The following POLN variants were observed in gnomAD, a reference collection of about 807,000 sequenced individuals.
POLN encodes DNA polymerase N.
In POLN, 108 loss-of-function variants were observed where a neutral mutation model predicts 113.5. That is an observed-to-expected ratio of 0.95 (90% confidence interval 0.81 to 1.12). POLN has a LOEUF of 1.12. Ranked by LOEUF, POLN falls within the 50% of genes most tolerant of loss-of-function variation. POLN has a pLI of 0.00. For missense variants in POLN, 1,097 were observed against 1,077.1 expected (o/e 1.02, Z -0.26); for synonymous variants, 386 against 391.5 (o/e 0.99, Z 0.17).
intron 16 of POLN, among the ~76,000 whole-genome samples, chr4:2,141,858 C>G (rs950987841): frequency 2.0e-5 from 3 of 152,236 alleles, no homozygotes; most frequent in Non-Finnish European, 4.4e-5. Context: ...TGCGACCCAG[C>G]CTGTGGGGCG....
chr4:2,136,564 A>G (rs950854255), intron 16 of POLN, among the ~76,000 whole-genome samples: 1 of 152,250 alleles, frequency 6.6e-6, no homozygotes, highest in Non-Finnish European at 1.5e-5. Context: ...TTTATTTAAC[A>G]TTCAGTGAAA....
chr4:2,131,330 C>T lies in POLN; in HGVS notation c.1732-40G>A. 2.2e-6 allele frequency: 3 copies of T among 1,344,726 alleles called. No individual in the cohort carries two copies. The Admixed American group carries it at 5.3e-5, about 24-fold the overall frequency. The allele number at this position is 1,344,726 out of a possible 1,614,324, so 83.3% of individuals were successfully genotyped here. On this transcript the variant is annotated intron_variant, in intron 16 of 25. Coordinates refer to ENST00000511885, the MANE Select transcript of POLN (RefSeq NM_181808.4). ...AGACTAGCTTTAGTTAAAATATCTA[C>T]TCTTAATCTGTACTACTTAGGGTAT...
At chr4:2,180,603 T>A (rs9994565) in intron 7 of POLN, among the ~76,000 whole-genome samples, 37,531 of 152,178 alleles carry the variant, frequency 0.25, 7,153 homozygotes, top group African/African-American at 0.51. Flanking sequence ...CATGTCTCCG[T>A]CAGCAGCACA....
chr4:2,146,292 G>A (rs1400604754), intron 16 of POLN, among the ~76,000 whole-genome samples: 2 of 151,400 alleles, frequency 1.3e-5, no homozygotes, highest in East Asian at 3.9e-4. Flanking sequence ...GATCACCTGA[G>A]GTCAGGAGTT....
chr4:2,092,151 C>T (rs1316601095), intron 20 of POLN, among the ~76,000 whole-genome samples: 1 of 152,220 alleles, frequency 6.6e-6, no homozygotes, highest in East Asian at 1.9e-4. Flanking sequence ...TGCGCCCAGG[C>T]CTCCTCCCGT....
chr4:2,202,220 C>T (rs1401582814), intron 5 of POLN, among the ~76,000 whole-genome samples: 1 of 152,094 alleles, frequency 6.6e-6, no homozygotes, highest in African/African-American at 2.4e-5. Flanking sequence ...TGTAAATGGC[C>T]TAAATGCTCC....
In POLN at chr4:2,081,047, C is replaced by T. The variant is rs1475201798; in HGVS notation, c.2309-11G>A. 8.1e-6 allele frequency: 13 copies of T among 1,613,476 alleles called. No individual in the cohort carries two copies. The highest frequency in any genetic ancestry group is 2.2e-5 in the South Asian group (2 of 91,088). On this transcript the variant is annotated splice_polypyrimidine_tract_variant and intron_variant, in intron 22 of 25. Coordinates refer to ENST00000511885, the MANE Select transcript of POLN (RefSeq NM_181808.4). ...GGTCAGCAGCGGAGCCTATGGGGCG[C>T]GTGGTACTGTCTTGAGGTCCCATGG...
chr4:2,124,951 G>A (rs1226078091), intron 19 of POLN, among the ~76,000 whole-genome samples: 1 of 152,172 alleles, frequency 6.6e-6, no homozygotes, highest in Non-Finnish European at 1.5e-5. Context: ...AGAAAGTAAA[G>A]GGAGTAAGTA....
intron 16 of POLN, among the ~76,000 whole-genome samples, chr4:2,147,178 G>C (rs543680015): frequency 2.0e-5 from 3 of 152,168 alleles, no homozygotes; most frequent in Non-Finnish European, 2.9e-5. Context: ...ACATAATGTT[G>C]ATAAATTCTG....
intron 19 of POLN, among the ~76,000 whole-genome samples, chr4:2,114,953 A>G (rs927454540): frequency 6.6e-5 from 10 of 150,786 alleles, no homozygotes; most frequent in African/African-American, 2.2e-4. Context: ...TTTGTATCTC[A>G]TTTTGGACAC....
intron 16 of POLN, among the ~76,000 whole-genome samples, chr4:2,146,045 C>CA (rs34674279): frequency 0.75 from 113,327 of 150,574 alleles, 44,607 homozygotes; most frequent in Non-Finnish European, 0.88. Flanking sequence ...TTTAAAATAG[C>CA]AAAAAAAAGA....
rs58592519 is a variant in POLN at position 2,155,427 on chromosome 4, C to T, written c.1731+1361G>A. ...GTGTCCATGCACCCAAGAGGCCACA[C>T]GATTAGCGCAAACTCACCCCATCCC... On this transcript the variant is annotated intron_variant, in intron 16 of 25. Coordinates refer to ENST00000511885, the MANE Select transcript of POLN (RefSeq NM_181808.4). 2.2e-3 allele frequency among the ~76,000 whole-genome samples: 336 copies of T among 152,320 alleles called. 1 individual carries two copies. Among genetic ancestry groups the T allele is most frequent in the African/African-American group, 7.5e-3 (313 of 41,570 alleles).
At chr4:2,196,362 C>A (rs1381731174) in intron 6 of POLN, among the ~76,000 whole-genome samples, 1 of 152,058 alleles carries the variant, frequency 6.6e-6, no homozygotes, top group Non-Finnish European at 1.5e-5. Flanking sequence ...AGAGCTAACT[C>A]CAGTTTACAG....
chr4:2,182,029 A>T (rs190375206), intron 7 of POLN, among the ~76,000 whole-genome samples: 111 of 152,102 alleles, frequency 7.3e-4, no homozygotes, highest in African/African-American at 2.6e-3. Context: ...ACTTTAAACT[A>T]CATAAAGACA....
intron 7 of POLN, among the ~76,000 whole-genome samples, chr4:2,185,767 A>C (rs961996710): frequency 6.6e-6 from 1 of 152,174 alleles, no homozygotes; most frequent in African/African-American, 2.4e-5. Context: ...AATAAACAAA[A>C]AGAAATACAA....
At chr4:2,222,527 CA>C (rs1420321238) in intron 3 of POLN, among the ~76,000 whole-genome samples, 1 of 152,010 alleles carries the variant, frequency 6.6e-6, no homozygotes, top group Admixed American at 6.6e-5. Context: ...AAACAAAAAA[CA>C]AAACAAAACA....
At chr4:2,085,920 G>A (rs995258940) in intron 20 of POLN, among the ~76,000 whole-genome samples, 176 bp from the exon 21 acceptor site, 1 of 152,200 alleles carries the variant, frequency 6.6e-6, no homozygotes, top group African/African-American at 2.4e-5. Flanking sequence ...ACTGGGGCCT[G>A]TGAAACATGT....
At chr4:2,237,573 C>T (rs1260413687) in intron 2 of POLN, among the ~76,000 whole-genome samples, 2 of 152,006 alleles carry the variant, frequency 1.3e-5, no homozygotes, top group Admixed American at 1.3e-4. Flanking sequence ...GAATTTGAAA[C>T]GGAAGACCTA....
intron 11 of POLN, 116 bp downstream of exon 11, chr4:2,173,839 C>T: frequency 9.8e-7 from 1 of 1,020,456 alleles, no homozygotes; most frequent in Non-Finnish European, 1.5e-6. Context: ...GAAACACTGT[C>T]AACACCAAAC....
Sources: allele counts gnomAD v4.1 joint callset (sites outside exome capture counted in the v4.1 genomes callset), GRCh38; gene constraint gnomAD v4.1.1; transcripts MANE v1.5; gene names NCBI Gene and HGNC (gene_info 2026-07-23, HGNC 2026-07-21).